FHDC1: variants seen among roughly 807,000 people sequenced by gnomAD.
FHDC1 encodes FH2 domain-containing protein 1.
In FHDC1, 25 loss-of-function variants were observed where a neutral mutation model predicts 52.6. The observed-to-expected ratio is 0.48, with a 90% confidence interval of 0.35 to 0.66. The LOEUF (loss-of-function observed/expected upper bound fraction) is 0.66, where lower values mean the gene tolerates loss of function less well. FHDC1 is among the 30% of genes least tolerant of loss of function. The probability of loss-of-function intolerance (pLI) is 0.01; values close to 1 mark genes in which losing one functional copy is unlikely to be tolerated. For synonymous variants in FHDC1, 616 were observed against 581.5 expected, an observed-to-expected ratio of 1.06 and a Z score of -0.85; for missense variants, 1,459 against 1,452.8, an observed-to-expected ratio of 1.00 and a Z score of -0.07.
chr4:152,928,109 A>G, the FHDC1 span: 6 of 1,080,168 alleles, frequency 5.6e-6, no homozygotes, highest in Non-Finnish European at 8.7e-6. Context: ...CTCTGGGAGC[A>G]GCAACTCTGA....
chr4:152,925,440 A>C, the FHDC1 span, among the ~76,000 whole-genome samples: 1 of 152,194 alleles, frequency 6.6e-6, no homozygotes. Flanking sequence ...ACATTAAAGG[A>C]ACTCTTAGGT....
chr4:152,968,756 C>G (rs1740544434), intron 10 of FHDC1, among the ~76,000 whole-genome samples: 1 of 152,176 alleles, frequency 6.6e-6, no homozygotes, highest in Admixed American at 6.5e-5. Flanking sequence ...TGGGCTATAC[C>G]TGGCAACTCA....
rs1252501531 is a variant in FHDC1 at position 152,943,352 on chromosome 4, A to G, written c.295A>G (p.Ser99Gly). Residue 99 changes from serine (S) to glycine (G), a missense_variant, in exon 2 of 12, where the codon AGC becomes GGC. Around this residue, in one of 3 missense-constraint regions of FHDC1, gnomAD observed 513 missense variants for 581.5 expected, o/e 0.88. Coordinates refer to ENST00000511601, the MANE Select transcript of FHDC1 (RefSeq NM_001371116.1). ...CCTTGGTAAGAAAAAGCGGATGAGAAGCTTTTTTTGGAAAACTATTCCGGA... is the reference window on the plus strand; with the variant it reads ...CCTTGGTAAGAAAAAGCGGATGAGAGGCTTTTTTTGGAAAACTATTCCGGA... The part of the protein sequence containing the change: ...SHLGKKKRMR[S>G]FFWKTIPEEQ... The G allele has an allele frequency of 1.9e-6, 3 of 1,613,734 alleles. No homozygotes were observed. Among genetic ancestry groups the G allele is most frequent in the Non-Finnish European group, 2.5e-6 (3 of 1,179,940 alleles).
chr4:152,939,147 T>A (rs1739503588), intron 1 of FHDC1, among the ~76,000 whole-genome samples: 1 of 152,136 alleles, frequency 6.6e-6, no homozygotes, highest in Non-Finnish European at 1.5e-5. Flanking sequence ...TGGCGTAATC[T>A]CGGCTCACTG....
rs560891114 is a variant in FHDC1, at chr4:152,971,300, G to A, written c.1219-1077G>A. Among the ~76,000 whole-genome samples, 21 of 152,304 alleles carry A rather than the reference G, an allele frequency of 1.4e-4. No homozygotes were observed. In the East Asian group the frequency reaches 3.9e-3, roughly 28 times the overall value. ...GAGCCCAGGAGGTCAAGGGTGCAGT[G>A]AGCCATGATCACACCATTGTACTCC... On this transcript the variant is annotated intron_variant, in intron 10 of 11. Transcript: ENST00000511601.
the FHDC1 span, among the ~76,000 whole-genome samples, chr4:152,920,955 A>G: frequency 2.0e-5 from 3 of 151,656 alleles, no homozygotes; most frequent in African/African-American, 7.2e-5. Flanking sequence ...TCCTCTTGTT[A>G]TGACTTACAC....
At position 152,975,945 on chromosome 4, in the gene FHDC1, G is replaced by T. The variant is rs1203178210; in HGVS notation, c.2654G>T (p.Gly885Val). The T allele has an allele frequency of 2.0e-6, 3 of 1,514,784 alleles. No individual in the cohort carries two copies. Among genetic ancestry groups the T allele is most frequent in the Non-Finnish European group, 2.6e-6 (3 of 1,133,826 alleles). 93.8% of individuals were successfully genotyped at this position (1,514,784 alleles called of 1,614,324 possible). The change falls in exon 12 of 12, where the codon GGG becomes GTG. Residue 885 changes from glycine (G) to valine (V), a missense_variant. Gly to Val is a moderately radical substitution (Grantham distance 109). Around this residue, in one of 3 missense-constraint regions of FHDC1, gnomAD observed 939 missense variants for 854.5 expected, o/e 1.10. Coordinates refer to ENST00000511601, the MANE Select transcript of FHDC1 (RefSeq NM_001371116.1). ...SKPGSARRSQ[G>V]AVAKSVRTLT... ...CCCGGGAGCGCCCGGCGGAGCCAGG[G>T]GGCAGTGGCCAAGTCTGTGCGGACC...
chr4:152,975,799 C>T lies in FHDC1; in HGVS notation c.2508C>T (p.Val836=). 1 of 1,533,684 alleles carries T rather than the reference C, an allele frequency of 6.5e-7. No homozygotes were observed. The highest frequency in any genetic ancestry group is 8.8e-7 in the Non-Finnish European group (1 of 1,141,392). The change falls in exon 12 of 12, where the codon GTC becomes GTT. Residue 836 remains valine (V), a synonymous_variant. Transcript: ENST00000511601. ...SSPPGEAPAP[V]SVDSEPSCKG... is the part of the protein sequence containing the mutation. The stretch of plus-strand genomic sequence containing the variant: ...CCCCTGGGGAGGCTCCTGCCCCCGT[C>T]TCTGTGGATAGTGAGCCCAGCTGCA...
At chr4:152,944,747 G>GA (rs1739676581) in intron 2 of FHDC1, among the ~76,000 whole-genome samples, 3 of 152,218 alleles carry the variant, frequency 2.0e-5, no homozygotes, top group Admixed American at 1.3e-4. Context: ...ATAAATTTGA[G>GA]AAGGAAATCT....
At chr4:152,925,832 G>GAGAAGGAGA in the FHDC1 span, among the ~76,000 whole-genome samples, 1 of 149,312 alleles carries the variant, frequency 6.7e-6, no homozygotes, top group Non-Finnish European at 1.5e-5. Flanking sequence ...GAAGAAGAGG[G>GAGAAGGAGA]AGAAGGAGAA....
chr4:152,942,864 A>C, intron 1 of FHDC1, 64 bp from the exon 2 acceptor site: 2 of 600,432 alleles, frequency 3.3e-6, no homozygotes, highest in Non-Finnish European at 5.7e-6. Context: ...CTAGCCTCTG[A>C]AGGGAAATGC....
chr4:152,960,459 C>A, intron 4 of FHDC1, 106 bp from the exon 5 acceptor site: 1 of 956,782 alleles, frequency 1.0e-6, no homozygotes, highest in South Asian at 1.6e-5. Flanking sequence ...TTGAATTTAG[C>A]ACTAAAATCC....
chr4:152,950,268 G>C (rs1405117528), intron 2 of FHDC1, among the ~76,000 whole-genome samples: 1 of 152,200 alleles, frequency 6.6e-6, no homozygotes. Context: ...TACATGTGCA[G>C]TGATAACCCT....
the FHDC1 span, among the ~76,000 whole-genome samples, chr4:152,916,668 G>A: frequency 5.3e-5 from 8 of 150,614 alleles, no homozygotes; most frequent in African/African-American, 1.5e-4. Context: ...GCTTTTTTTT[G>A]TATAGAGAGT....
chr4:152,964,332 G>A (rs1740389271), intron 8 of FHDC1, among the ~76,000 whole-genome samples: 5 of 152,222 alleles, frequency 3.3e-5, no homozygotes, highest in Admixed American at 3.3e-4. Context: ...TGTGTTCCTT[G>A]CCCAGCAAGG....
In FHDC1 at chr4:152,943,135, T is replaced by C. The variant is rs772713588; in HGVS notation, c.78T>C (p.Ile26=). The C allele has an allele frequency of 6.2e-7, 1 of 1,614,136 alleles. No homozygotes were observed. The highest frequency in any genetic ancestry group is 2.2e-5 in the East Asian group (1 of 44,884). Residue 26 remains isoleucine, a synonymous_variant, in exon 2 of 12, where the codon ATT becomes ATC. Coordinates refer to ENST00000511601, the MANE Select transcript of FHDC1 (RefSeq NM_001371116.1). ...TTGCCACAGCACCTGGATTCATGAT[T>C]GGGCAGACACCTCCTCCAGCACCTC... ...GNIATAPGFM[I]GQTPPPAPPP...
chr4:152,932,788 GTT>G (rs1441550032), upstream of FHDC1, among the ~76,000 whole-genome samples: 4 of 152,200 alleles, frequency 2.6e-5, no homozygotes, highest in Admixed American at 6.5e-5. Context: ...CTAAAAGTCT[GTT>G]TTACATGGAT....
chr4:152,926,596 AG>A, the FHDC1 span, among the ~76,000 whole-genome samples: 1 of 150,966 alleles, frequency 6.6e-6, no homozygotes, highest in South Asian at 2.1e-4. Flanking sequence ...AAAAAAAAAA[AG>A]GTGGCCTTGT....
the FHDC1 span, among the ~76,000 whole-genome samples, chr4:152,916,318 C>T: frequency 1.1e-4 from 16 of 152,150 alleles, no homozygotes; most frequent in African/African-American, 3.9e-4. Flanking sequence ...AGGGGAACAG[C>T]TTTATTAGGA....
Sources: gnomAD v4.1 joint callset for allele counts (sites outside exome capture counted in the v4.1 genomes callset) on GRCh38, gnomAD v4.1.1 for gene constraint, gnomAD v4.1.1 regional missense constraint, MANE v1.5 for transcripts, NCBI Gene and HGNC (gene_info 2026-07-23, HGNC 2026-07-21) for gene names.